The following PATL2 variants were observed in gnomAD, a reference collection of about 807,000 sequenced individuals.
PATL2 encodes the protein protein PAT1 homolog 2.
PATL2 carries 73 observed loss-of-function variants against 77.0 expected under a neutral mutation model. The ratio of observed to expected loss-of-function variants is 0.95; its 90% CI spans 0.78 to 1.15. PATL2 has a LOEUF of 1.15. PATL2 is among the 50% of genes most tolerant of loss of function. The pLI is 0.00. For missense variants in PATL2, 618 were observed against 655.4 expected (o/e 0.94, Z 0.62); for synonymous variants, 265 against 257.1 (o/e 1.03, Z -0.29).
chr15:44,697,491 T>G (rs2086532228), intron 3 of PATL2: 1 of 152,218 alleles, frequency 6.6e-6, no homozygotes. Context: ...CATATATTAC[T>G]TTTATAAACA....
At chr15:44,689,619 C>G (rs902745864) in intron 3 of PATL2, among the ~76,000 whole-genome samples, 1 of 149,682 alleles carries the variant, frequency 6.7e-6, no homozygotes, top group Admixed American at 6.6e-5. Flanking sequence ...GAACAGAAAA[C>G]CAAATACTGC....
In PATL2 at chr15:44,669,500, G is replaced by A. The variant is rs999423643; in HGVS notation, c.930+10C>T. The A allele has an allele frequency of 1.9e-6, 3 of 1,550,876 alleles. No individual in the cohort carries two copies. Among genetic ancestry groups the A allele is most frequent in the Non-Finnish European group, 2.6e-6 (3 of 1,146,640 alleles). On this transcript the variant is annotated intron_variant, in intron 12 of 17. Transcript: ENST00000682850. ...GTTTGGAACTCGTCCCTAAGGAACTGATATCTCACCTTCTCAATCCGGTAT... is the reference window on the plus strand; with the variant it reads ...GTTTGGAACTCGTCCCTAAGGAACTAATATCTCACCTTCTCAATCCGGTAT...
At chr15:44,666,083 A>C in intron 17 of PATL2, 112 bp from the exon 18 acceptor site, 1 of 993,474 alleles carries the variant, frequency 1.0e-6, no homozygotes, top group Middle Eastern at 2.3e-4. Flanking sequence ...AGAGATGACC[A>C]TGTTATTCAT....
rs188632240 is a variant in PATL2 at position 44,699,447 on chromosome 15, C to T, written c.-76+10649G>A. On this transcript the variant is annotated intron_variant, in intron 3 of 17. Transcript: ENST00000682850. ...TCCACCTCCTAGCTTAAAGTGATTC[C>T]CATGCCGCAGTCTCTTGAGTAGCTG... Among the ~76,000 whole-genome samples, 557 of 152,178 alleles carry T rather than the reference C, an allele frequency of 3.7e-3. 3 individuals carry two copies. Among genetic ancestry groups the T allele is most frequent in the Non-Finnish European group, 6.1e-3 (412 of 67,998 alleles).
chr15:44,667,548 C>G (rs2085442772), intron 15 of PATL2, among the ~76,000 whole-genome samples: 1 of 152,150 alleles, frequency 6.6e-6, no homozygotes, highest in African/African-American at 2.4e-5. Context: ...AAGCAAAGAC[C>G]TTCAGTATGG....
Position 44,669,109 on chromosome 15 carries a change from G to T in PATL2, c.1095C>A (p.Leu365=). The T allele has an allele frequency of 6.5e-7, 1 of 1,547,076 alleles. No homozygotes were observed. The highest frequency in any genetic ancestry group is 8.7e-7 in the Non-Finnish European group (1 of 1,144,268). ...EEAADGFLQV[L]SVRKGKALVA... ...CCAGGGCCTTCCCCTTCCTCACAGA[G>T]AGCACCTGCAGGAAGCCATCTGCTG... The change falls in exon 14 of 18, where the codon CTC becomes CTA. Residue 365 remains leucine (L), a synonymous_variant. Coordinates refer to ENST00000682850, the MANE Select transcript of PATL2 (RefSeq NM_001387263.1).
At chr15:44,695,440 C>A (rs982672680) in intron 3 of PATL2, among the ~76,000 whole-genome samples, 1 of 152,074 alleles carries the variant, frequency 6.6e-6, no homozygotes, top group African/African-American at 2.4e-5. Context: ...GACAAGATGG[C>A]GCTGGCCAAG....
intron 7 of PATL2, 130 bp downstream of exon 7, chr15:44,673,105 G>T: frequency 8.2e-7 from 1 of 1,221,514 alleles, no homozygotes. Flanking sequence ...TGAGGGAGAC[G>T]GAATTAGACT....
At chr15:44,700,401 A>G (rs1464850571) in intron 3 of PATL2, among the ~76,000 whole-genome samples, 2 of 152,090 alleles carry the variant, frequency 1.3e-5, no homozygotes, top group African/African-American at 4.8e-5. Context: ...TCCTGGGTTC[A>G]AGTGATTCTC....
chr15:44,687,528 T>C (rs909490235), intron 3 of PATL2, among the ~76,000 whole-genome samples: 3 of 152,158 alleles, frequency 2.0e-5, no homozygotes, highest in Admixed American at 1.3e-4. Flanking sequence ...ACCACTCCTA[T>C]TCAACATAGT....
intron 5 of PATL2, 37 bp from the exon 6 acceptor site, chr15:44,674,267 G>A: frequency 6.9e-7 from 1 of 1,444,276 alleles, no homozygotes; most frequent in South Asian, 1.3e-5. Context: ...GCTCAAATGG[G>A]CCCCTGTAGT....
chr15:44,683,998 G>C (rs1025539033), intron 3 of PATL2, among the ~76,000 whole-genome samples: 2 of 151,852 alleles, frequency 1.3e-5, no homozygotes, highest in African/African-American at 4.8e-5. Flanking sequence ...ACCTGCAGCA[G>C]AGGGGCCTGA....
At chr15:44,695,376 G>A (rs767208546) in intron 3 of PATL2, among the ~76,000 whole-genome samples, 3 of 152,220 alleles carry the variant, frequency 2.0e-5, no homozygotes, top group Non-Finnish European at 1.5e-5. Flanking sequence ...TCATGTTCAA[G>A]ATGGCAGCTC....
Position 44,665,759 on chromosome 15 carries a change from T to G in PATL2, c.*194A>C. On this transcript the variant is annotated 3_prime_UTR_variant, in exon 18 of 18. Coordinates refer to ENST00000682850, the MANE Select transcript of PATL2 (RefSeq NM_001387263.1). ...ATTCTATTATCTCTTTAATTATACC[T>G]TATTATGCCATGTCTTATTTTTAGG... 1.4e-6 allele frequency: 2 copies of G among 1,449,258 alleles called. No homozygotes were observed. The highest frequency in any genetic ancestry group is 1.8e-6 in the Non-Finnish European group (2 of 1,089,584). 89.8% of individuals were successfully genotyped at this position (1,449,258 alleles called of 1,614,324 possible). A position where few individuals can be genotyped will look rare whatever the true frequency, so the allele number is the denominator to read the frequency against.
chr15:44,672,579 C>A, intron 7 of PATL2, 123 bp from the exon 8 acceptor site: 6 of 960,688 alleles, frequency 6.2e-6, no homozygotes, highest in Admixed American at 5.0e-5. Context: ...TAGGTACTTT[C>A]CCAAAGTCAG....
At chr15:44,711,367 C>T, upstream of PATL2, 1 of 724,492 alleles carries the variant, frequency 1.4e-6, no homozygotes, top group South Asian at 1.6e-5. Flanking sequence ...CATCACGAGA[C>T]TCTAAGAAAA....
At chr15:44,686,560 G>A (rs891422766) in intron 3 of PATL2, among the ~76,000 whole-genome samples, 1 of 152,246 alleles carries the variant, frequency 6.6e-6, no homozygotes, top group East Asian at 1.9e-4. Flanking sequence ...ACTAAGATCA[G>A]AGCTGAACTG....
At position 44,676,429 on chromosome 15, in the gene PATL2, G is replaced by A. The variant is rs780239213; in HGVS notation, c.16+46C>T. ...TATGTGAAACAGACCAGCAACCTCT[G>A]CATGCTGGGGCATTTTATATAACAT... is the stretch of plus-strand genomic sequence containing the variant. On this transcript the variant is annotated intron_variant, in intron 4 of 17. Transcript: ENST00000682850. The A allele has an allele frequency of 9.4e-6, 14 of 1,481,886 alleles. 1 individual carries two copies. The South Asian group carries it at 1.5e-4, about 15-fold the overall frequency. The allele number at this position is 1,481,886 out of a possible 1,614,324, so 91.8% of individuals were successfully genotyped here. A position where few individuals can be genotyped will look rare whatever the true frequency, so the allele number is the denominator to read the frequency against.
intron 7 of PATL2, among the ~76,000 whole-genome samples, chr15:44,672,891 C>A (rs1330674921): frequency 6.6e-6 from 1 of 152,190 alleles, no homozygotes; most frequent in African/African-American, 2.4e-5. Flanking sequence ...TCCCAAGTAG[C>A]TGGGATTACA....
Sources: gnomAD v4.1 joint callset for allele counts (sites outside exome capture counted in the v4.1 genomes callset) on GRCh38, gnomAD v4.1.1 for gene constraint, MANE v1.5 for transcripts, NCBI Gene and HGNC (gene_info 2026-07-23, HGNC 2026-07-21) for gene names.